Variants in RHOBTB2 observed in about 807,000 individuals in gnomAD.
The protein encoded by RHOBTB2 is rho-related BTB domain-containing protein 2.
RHOBTB2 carries 39 observed loss-of-function variants against 66.5 expected under a neutral mutation model. The observed-to-expected ratio is 0.59, with a 90% CI of 0.45 to 0.77. The LOEUF (loss-of-function observed/expected upper bound fraction) is 0.77. RHOBTB2 is among the 30% of genes least tolerant of loss of function. The pLI is 0.00. For synonymous variants in RHOBTB2, 390 were observed against 395.0 expected (o/e 0.99, Z 0.15); for missense variants, 755 against 999.1 (o/e 0.76, Z 3.29).
At chr8:22,989,845 C>A (rs1347543580) in intron 1 of RHOBTB2, among the ~76,000 whole-genome samples, 2 of 152,200 alleles carry the variant, frequency 1.3e-5, no homozygotes, top group Non-Finnish European at 2.9e-5. Context: ...GTCTGTCTCC[C>A]CAAGAGGCTC....
rs1333025864 is a variant in RHOBTB2, at chr8:23,019,452, T to TC, written c.*1985dup. The TC allele has an allele frequency of 6.6e-6, 1 of 152,200 alleles. No individual in the cohort carries two copies. The highest frequency in any genetic ancestry group is 2.4e-5 in the African/African-American group (1 of 41,386). The allele number at this position is 152,200 out of a possible 1,614,324, so 9.4% of individuals were successfully genotyped here. On this transcript the variant is annotated 3_prime_UTR_variant, in exon 10 of 10. Transcript: ENST00000251822. ...CCTGCAGCTCAGCGCAGCCCAGGGCTCCAAGTGAGGCCCAGAAGCCCATGG... is the reference window on the plus strand; with the variant it reads ...CCTGCAGCTCAGCGCAGCCCAGGGCTCCCAAGTGAGGCCCAGAAGCCCATGG...
At chr8:22,986,138 A>G (rs1810282992), upstream of RHOBTB2, among the ~76,000 whole-genome samples, 2 of 117,750 alleles carry the variant, frequency 1.7e-5, no homozygotes, top group South Asian at 3.0e-4. Flanking sequence ...AGGACGGTGG[A>G]CTTCTCTCTC....
At position 23,018,799 on chromosome 8, in the gene RHOBTB2, ACTGAC is replaced by A. The variant is rs1451426865; in HGVS notation, c.*1334_*1338del. 6.5e-6 allele frequency: 1 copy of A among 152,706 alleles called. No individual in the cohort carries two copies. Among genetic ancestry groups the A allele is most frequent in the African/African-American group, 2.4e-5 (1 of 41,442 alleles). 9.5% of individuals were successfully genotyped at this position (152,706 alleles called of 1,614,324 possible). ...GGGGCCAAAAGTCAGGGAAAGGGGC[ACTGAC>A]CTGTAGTGAAAGGCCACAGGACACA... On this transcript the variant is annotated 3_prime_UTR_variant, in exon 10 of 10. Transcript: ENST00000251822.
the RHOBTB2 span, among the ~76,000 whole-genome samples, chr8:22,951,345 G>A: frequency 1.4e-5 from 2 of 148,146 alleles, no homozygotes; most frequent in East Asian, 2.0e-4. Flanking sequence ...TTCTTCTCCC[G>A]GGTTCAAGCG....
At chr8:22,999,401 T>A (rs1585185379), upstream of RHOBTB2, among the ~76,000 whole-genome samples, 1 of 149,298 alleles carries the variant, frequency 6.7e-6, no homozygotes, top group East Asian at 2.0e-4. Context: ...CCCCGCGGCG[T>A]CGCTGCGGGA....
upstream of RHOBTB2, among the ~76,000 whole-genome samples, chr8:22,986,140 TTC>T (rs58840002): frequency 0.21 from 31,544 of 147,554 alleles, 3,388 homozygotes; most frequent in East Asian, 0.31. Context: ...GACGGTGGAC[TTC>T]TCTCTCTCTC....
upstream of RHOBTB2, chr8:22,994,654 T>G: frequency 6.5e-7 from 1 of 1,546,576 alleles, no homozygotes; most frequent in African/African-American, 1.4e-5. Context: ...GTAGCTACTG[T>G]GTACTGTGCT....
Position 23,006,983 on chromosome 8 carries a change from C to G in RHOBTB2, c.738C>G (p.Pro246=). The G allele has an allele frequency of 6.2e-7, 1 of 1,610,540 alleles. No homozygotes were observed. The highest frequency in any genetic ancestry group is 1.1e-5 in the South Asian group (1 of 91,038). Residue 246 remains proline, a synonymous_variant, in exon 5 of 10, where the codon CCC becomes CCG. Coordinates refer to ENST00000251822, the MANE Select transcript of RHOBTB2 (RefSeq NM_015178.3). The surrounding 1 kb of genome is among the most constrained non-coding windows in gnomAD (Gnocchi z 6.1). ...PKPPPPIIVV[P]DPPSSSEECP... ...CACCGCCCCCGATCATCGTGGTGCC[C>G]GACCCTCCCTCCAGCAGCGAGGAGT...
At chr8:23,001,612 A>G (rs1585187243) in intron 1 of RHOBTB2, among the ~76,000 whole-genome samples, 1 of 151,964 alleles carries the variant, frequency 6.6e-6, no homozygotes, top group African/African-American at 2.4e-5. Context: ...GAAGACAAAT[A>G]CCTCCTTTCA....
the RHOBTB2 span, among the ~76,000 whole-genome samples, chr8:22,972,759 T>C: frequency 6.6e-6 from 1 of 152,198 alleles, no homozygotes; most frequent in Non-Finnish European, 1.5e-5. Flanking sequence ...TCTGACCTGC[T>C]CCCCTGGCTG....
the RHOBTB2 span, among the ~76,000 whole-genome samples, chr8:22,979,771 GACTCTGTGACAGAGTCTC>G: frequency 9.6e-5 from 9 of 94,232 alleles, 1 homozygote; most frequent in Non-Finnish European, 1.6e-4. Flanking sequence ...GACAGAGTGA[GACTCTGTGACAGAGTCTC>G]ACTCTGTCAC....
At chr8:22,972,283 T>A in the RHOBTB2 span, among the ~76,000 whole-genome samples, 2 of 152,186 alleles carry the variant, frequency 1.3e-5, no homozygotes, top group Non-Finnish European at 2.9e-5. Context: ...AAGAATAAAA[T>A]TAACATAACC....
chr8:22,994,890 C>G (rs913680005), upstream of RHOBTB2, among the ~76,000 whole-genome samples: 2 of 152,090 alleles, frequency 1.3e-5, no homozygotes, highest in Non-Finnish European at 2.9e-5. Flanking sequence ...CTCAGCCTCC[C>G]GAGTAGCTGG....
chr8:23,016,298 G>T (rs1210650125), intron 9 of RHOBTB2, among the ~76,000 whole-genome samples: 1 of 151,940 alleles, frequency 6.6e-6, no homozygotes, highest in Non-Finnish European at 1.5e-5. Context: ...TCCTCTCTGG[G>T]CTCCCTCCAG....
the RHOBTB2 span, among the ~76,000 whole-genome samples, chr8:22,963,671 T>C: frequency 2.2e-4 from 34 of 152,264 alleles, no homozygotes; most frequent in Middle Eastern, 3.4e-3. Flanking sequence ...AGCCTCACAA[T>C]CATGGCGGAA....
At position 23,010,120 on chromosome 8, in the gene RHOBTB2, C is replaced by T. The variant is rs147506095; in HGVS notation, c.1621-418C>T. Among the ~76,000 whole-genome samples the T allele has an allele frequency of 3.1e-3, 468 of 152,208 alleles. 2 individuals are homozygous for T. Among genetic ancestry groups the T allele is most frequent in the African/African-American group, 0.01 (434 of 41,532 alleles). On this transcript the variant is annotated intron_variant, in intron 6 of 9. Transcript: ENST00000251822. ...GCATCCCGCGAGCAAGAGCGGCTTC[C>T]AAAGGGTGCCAGTGAGTAGTATCTG...
At chr8:22,959,409 G>T in the RHOBTB2 span, among the ~76,000 whole-genome samples, 1 of 152,082 alleles carries the variant, frequency 6.6e-6, no homozygotes, top group Non-Finnish European at 1.5e-5. Flanking sequence ...ACCATGCTCA[G>T]CTAGTTTTGT....
intron 9 of RHOBTB2, among the ~76,000 whole-genome samples, chr8:23,016,600 C>T (rs1034208166): frequency 1.3e-4 from 19 of 151,908 alleles, no homozygotes; most frequent in African/African-American, 4.4e-4. Context: ...TTAGTAGAGA[C>T]GGGGTTTCAC....
intron 8 of RHOBTB2, 132 bp from the exon 9 acceptor site, chr8:23,015,506 C>T: frequency 1.6e-6 from 1 of 621,746 alleles, no homozygotes; most frequent in East Asian, 2.8e-5. Context: ...GCCTCTGGCG[C>T]AGGCTCTCTA....
Sources: gnomAD v4.1 joint callset for allele counts (sites outside exome capture counted in the v4.1 genomes callset) on GRCh38, gnomAD v4.1.1 for gene constraint, Gnocchi (gnomAD v3.1) non-coding constraint, MANE v1.5 for transcripts, NCBI Gene and HGNC (gene_info 2026-07-23, HGNC 2026-07-21) for gene names.